The following PHEX variants were observed in gnomAD, a reference collection of about 807,000 sequenced individuals.
The protein encoded by PHEX is phosphate-regulating neutral endopeptidase PHEX.
In PHEX, 16 loss-of-function variants were observed where a neutral mutation model predicts 68.0. The observed-to-expected ratio is 0.24, with a 90% CI of 0.16 to 0.36. PHEX has a LOEUF of 0.36. Ranked by LOEUF, PHEX falls within the 10% of genes least tolerant of loss-of-function variation. The pLI, the probability that PHEX is intolerant of heterozygous loss-of-function variation, is 1.00. For missense variants in PHEX, 480 were observed against 575.5 expected (o/e 0.83, Z 1.70); for synonymous variants, 208 against 205.1 (o/e 1.01, Z -0.12).
At chrX:22,143,710 G>A (rs1437195338) in intron 12 of PHEX, among the ~76,000 whole-genome samples, 1 of 112,185 alleles carries the variant, frequency 8.9e-6, no homozygotes, top group South Asian at 3.7e-4. Context: ...TTATGTTTTC[G>A]AGACTCATCC....
At chrX:22,105,428 A>G (rs1256805168) in intron 9 of PHEX, among the ~76,000 whole-genome samples, 1 of 112,043 alleles carries the variant, frequency 8.9e-6, no homozygotes, top group Non-Finnish European at 1.9e-5. Flanking sequence ...CTGATTCAGC[A>G]GGTCTGGCGG....
intron 11 of PHEX, among the ~76,000 whole-genome samples, chrX:22,128,858 C>A (rs953163970): frequency 9.8e-6 from 1 of 101,836 alleles, no homozygotes; most frequent in Non-Finnish European, 2.0e-5. Flanking sequence ...AAGACCCCCC[C>A]CAACCCCCGC....
intron 12 of PHEX, among the ~76,000 whole-genome samples, chrX:22,143,891 C>T (rs1286738802): frequency 8.9e-6 from 1 of 112,217 alleles, no homozygotes; most frequent in African/African-American, 3.2e-5. Context: ...GAAATACTAT[C>T]CCCCAGCTAT....
At chrX:22,079,368 C>T (rs912214396) in intron 5 of PHEX, among the ~76,000 whole-genome samples, 5 of 112,169 alleles carry the variant, frequency 4.5e-5, no homozygotes, top group African/African-American at 1.6e-4. Context: ...TCTCAACCTT[C>T]TGATGTTATG....
intron 11 of PHEX, among the ~76,000 whole-genome samples, chrX:22,119,679 G>T (rs1364784932): frequency 1.9e-5 from 2 of 105,277 alleles, no homozygotes; most frequent in Non-Finnish European, 3.9e-5. Flanking sequence ...TGCAACCTCT[G>T]CCTCCTGGGT....
chrX:22,171,600 CGCAGCTGTG>C (rs1245646765), intron 13 of PHEX: 6 of 108,540 alleles, frequency 5.5e-5, no homozygotes, highest in Non-Finnish European at 9.6e-5. Context: ...ACACAGGAGT[CGCAGCTGTG>C]TACTCCTGTG....
At chrX:22,211,164 C>A (rs1686094038) in intron 15 of PHEX, among the ~76,000 whole-genome samples, 1 of 111,674 alleles carries the variant, frequency 9.0e-6, no homozygotes, top group South Asian at 3.8e-4. Flanking sequence ...TGGTGAGTTG[C>A]AAGGGCAAAG....
At chrX:22,224,485 C>A (rs182781191) in intron 18 of PHEX, among the ~76,000 whole-genome samples, 151 of 111,661 alleles carry the variant, frequency 1.4e-3, no homozygotes, top group Middle Eastern at 4.7e-3. Flanking sequence ...TGGGTTATAA[C>A]CTCCCAGCGG....
At chrX:22,232,009 C>T (rs1031973863) in intron 20 of PHEX, among the ~76,000 whole-genome samples, 14 of 111,877 alleles carry the variant, frequency 1.3e-4, no homozygotes, top group African/African-American at 3.6e-4. Flanking sequence ...TTTATTTCTG[C>T]CTTCATTTTG....
rs1166155797 is a variant in PHEX, at chrX:22,217,951, A to G, written c.1701-1085A>G. ...CCATTTATTAGCTCATGATTCTGTA[A>G]TTTGGGCAGGACTGAGCTGAGACAG... is the stretch of plus-strand genomic sequence containing the variant. On this transcript the variant is annotated intron_variant, in intron 16 of 21. Coordinates refer to ENST00000379374, the MANE Select transcript of PHEX (RefSeq NM_000444.6). 1.8e-5 allele frequency among the ~76,000 whole-genome samples: 2 copies of G among 110,691 alleles called. 1 individual carries two copies. Among genetic ancestry groups the G allele is most frequent in the African/African-American group, 6.6e-5 (2 of 30,392 alleles).
intron 15 of PHEX, among the ~76,000 whole-genome samples, chrX:22,196,457 T>A (rs1000094522): frequency 8.9e-6 from 1 of 112,190 alleles, no homozygotes; most frequent in Non-Finnish European, 1.9e-5. Context: ...CCATAGACAG[T>A]TCATAAACCA....
At chrX:22,068,690 T>C (rs1021494989) in intron 3 of PHEX, among the ~76,000 whole-genome samples, 4 of 112,562 alleles carry the variant, frequency 3.6e-5, no homozygotes, top group African/African-American at 1.3e-4. Flanking sequence ...TATGTATTAA[T>C]ACAATACATC....
intron 11 of PHEX, among the ~76,000 whole-genome samples, chrX:22,130,754 G>A (rs1340826136): frequency 1.8e-5 from 2 of 110,041 alleles, no homozygotes; most frequent in East Asian, 5.7e-4. Flanking sequence ...TAGAGGCTCT[G>A]AGCTCTCCAC....
chrX:22,195,571 G>A (rs1455823360), intron 15 of PHEX, among the ~76,000 whole-genome samples: 1 of 106,860 alleles, frequency 9.4e-6, no homozygotes, highest in African/African-American at 3.6e-5. Flanking sequence ...CTACAGCCTG[G>A]GCGACAGAGT....
Position 22,090,446 on chromosome X carries a change from C to T in PHEX, c.681C>T (p.Leu227=). Residue 227 remains leucine (L), a synonymous_variant, in exon 6 of 22, where the codon CTC becomes CTT. Coordinates refer to ENST00000379374, the MANE Select transcript of PHEX (RefSeq NM_000444.6). ...EHILKLDQAT[L]SLAVREDYLD... is the part of the protein sequence containing the mutation. ...TTTTACAGCTGGACCAAGCAACACT[C>T]TCCCTGGCCGTGAGGGAAGACTACC... The T allele has an allele frequency of 8.3e-7, 1 of 1,209,119 alleles. No individual in the cohort carries two copies. Among genetic ancestry groups the T allele is most frequent in the Non-Finnish European group, 1.1e-6 (1 of 893,030 alleles).
At chrX:22,080,327 T>C (rs750847747) in intron 5 of PHEX, among the ~76,000 whole-genome samples, 8 of 112,157 alleles carry the variant, frequency 7.1e-5, no homozygotes, top group African/African-American at 1.9e-4. Context: ...GTTTGAACAT[T>C]GTTTGGCATT....
In PHEX at chrX:22,206,350, A is replaced by T. The variant is rs781340661; in HGVS notation, c.1646-6554A>T. ...CCCTCTGAGTTTCACAAGATACAGA[A>T]TCAGTTAATTCAACAAGTATTTATT... On this transcript the variant is annotated intron_variant, in intron 15 of 21. Coordinates refer to ENST00000379374, the MANE Select transcript of PHEX (RefSeq NM_000444.6). 6.2e-5 allele frequency among the ~76,000 whole-genome samples: 7 copies of T among 112,071 alleles called. No individual in the cohort carries two copies. In the East Asian group the frequency reaches 1.7e-3, roughly 27 times the overall value.
At chrX:22,167,656 T>C (rs1170734725) in intron 12 of PHEX, among the ~76,000 whole-genome samples, 1 of 108,131 alleles carries the variant, frequency 9.2e-6, no homozygotes, top group Non-Finnish European at 1.9e-5. Context: ...CATGCCCGGC[T>C]TTTTTTAAAA....
At chrX:22,037,876 T>C (rs759105217) in intron 1 of PHEX, among the ~76,000 whole-genome samples, 10 of 111,849 alleles carry the variant, frequency 8.9e-5, no homozygotes, top group Non-Finnish European at 1.5e-4. Context: ...AAGCCAAACA[T>C]GCTAGCTTTC....
Sources: allele counts gnomAD v4.1 joint callset (sites outside exome capture counted in the v4.1 genomes callset), GRCh38; gene constraint gnomAD v4.1.1; transcripts MANE v1.5; gene names NCBI Gene and HGNC (gene_info 2026-07-23, HGNC 2026-07-21).